Variants in CAMTA1 observed in about 807,000 individuals in gnomAD.
CAMTA1 encodes the protein calmodulin-binding transcription activator 1.
Under a neutral mutation model 170.9 loss-of-function variants are expected in CAMTA1, and 27 were observed. The observed-to-expected ratio is 0.16, with a 90% CI of 0.12 to 0.22. The LOEUF (loss-of-function observed/expected upper bound fraction) is 0.22, where lower values mean the gene tolerates loss of function less well. Ranked by LOEUF, CAMTA1 falls within the 10% of genes least tolerant of loss-of-function variation. The probability of loss-of-function intolerance (pLI) is 1.00; values close to 1 mark genes in which losing one functional copy is unlikely to be tolerated. For missense variants in CAMTA1, 1,619 were observed against 2,217.2 expected (o/e 0.73, Z 5.42); for synonymous variants, 833 against 891.5 (o/e 0.93, Z 1.17).
intron 5 of CAMTA1, among the ~76,000 whole-genome samples, chr1:7,349,902 C>T (rs1199954080): frequency 1.3e-5 from 2 of 152,294 alleles, no homozygotes; most frequent in East Asian, 3.9e-4. Flanking sequence ...GCCTTGGGGG[C>T]CTCCTGGCTT....
intron 3 of CAMTA1, among the ~76,000 whole-genome samples, chr1:6,984,228 G>A (rs1694992943): frequency 6.6e-6 from 1 of 151,490 alleles, no homozygotes; most frequent in African/African-American, 2.4e-5. Context: ...GGAAGGCTGG[G>A]TGGGCGGATG....
At chr1:7,292,892 C>T (rs1432859716) in intron 5 of CAMTA1, among the ~76,000 whole-genome samples, 1 of 152,170 alleles carries the variant, frequency 6.6e-6, no homozygotes, top group Non-Finnish European at 1.5e-5. Context: ...CTTTAGGAAG[C>T]AGGCAGAGGA....
intron 4 of CAMTA1, among the ~76,000 whole-genome samples, chr1:7,104,152 A>G (rs917464538): frequency 7.1e-6 from 1 of 140,840 alleles, no homozygotes; most frequent in Non-Finnish European, 1.6e-5. Context: ...CACACAACAC[A>G]CATATGCATA....
At chr1:7,538,736 G>A (rs2094576644) in intron 6 of CAMTA1, among the ~76,000 whole-genome samples, 1 of 152,196 alleles carries the variant, frequency 6.6e-6, no homozygotes, top group African/African-American at 2.4e-5. Flanking sequence ...TAGGGGTGGG[G>A]GTTCTTAAAG....
intron 1 of CAMTA1, among the ~76,000 whole-genome samples, chr1:6,795,735 T>C (rs1569971690): frequency 1.3e-5 from 2 of 152,328 alleles, no homozygotes; most frequent in East Asian, 3.9e-4. Flanking sequence ...TTTTATATGC[T>C]ACTCTAAACT....
chr1:7,745,975 G>C lies in CAMTA1; in HGVS notation c.4501G>C (p.Ala1501Pro), dbSNP rs772408731. 1.9e-6 allele frequency: 3 copies of C among 1,614,102 alleles called. No homozygotes were observed. Among genetic ancestry groups the C allele is most frequent in the African/African-American group, 1.3e-5 (1 of 74,940 alleles). Reference protein sequence around the residue: ...SAADWSEFLSASTSEKVENEF... With the variant: ...SAADWSEFLSPSTSEKVENEF... ...CGCGGATTGGTCAGAATTCCTGAGTGCATCTACCAGTGAGAAGGTAGAGAA... is the reference window on the plus strand; with the variant it reads ...CGCGGATTGGTCAGAATTCCTGAGTCCATCTACCAGTGAGAAGGTAGAGAA... Residue 1501 changes from alanine (A) to proline (P), a missense_variant, in exon 18 of 23, where the codon GCA becomes CCA. By Grantham distance (27) the Ala-to-Pro change is conservative. Transcript: ENST00000303635.
chr1:7,476,456 G>T (rs1054714435), intron 6 of CAMTA1, among the ~76,000 whole-genome samples: 2 of 152,156 alleles, frequency 1.3e-5, no homozygotes, highest in Admixed American at 1.3e-4. Flanking sequence ...GAAATGGGGA[G>T]GGGGTGTTTC....
chr1:7,661,928 CG>C, intron 8 of CAMTA1, 62 bp downstream of exon 8: 1 of 1,533,188 alleles, frequency 6.5e-7, no homozygotes, highest in Non-Finnish European at 8.8e-7. Flanking sequence ...ACCAGGCAGC[CG>C]TCATGGCTGT....
chr1:6,940,970 G>A (rs1294529766), intron 3 of CAMTA1, among the ~76,000 whole-genome samples: 2 of 150,954 alleles, frequency 1.3e-5, no homozygotes, highest in Admixed American at 6.6e-5. Context: ...TGCAAGGTGG[G>A]GGGATCCTTG....
chr1:6,925,544 T>C (rs1295895199), intron 3 of CAMTA1, among the ~76,000 whole-genome samples: 1 of 152,086 alleles, frequency 6.6e-6, no homozygotes, highest in East Asian at 1.9e-4. Context: ...CCTGCTCCCC[T>C]CGGCGCCTTG....
In CAMTA1 at chr1:7,262,548, G is replaced by C. The variant is rs534465081; in HGVS notation, c.438+12922G>C. Among the ~76,000 whole-genome samples the C allele has an allele frequency of 1.1e-3, 166 of 152,262 alleles. 8 individuals carry two copies. The South Asian group carries it at 0.034, about 31-fold the overall frequency. On this transcript the variant is annotated intron_variant, in intron 5 of 22. Coordinates refer to ENST00000303635, the MANE Select transcript of CAMTA1 (RefSeq NM_015215.4). ...TTGCACTGAAGCCTGGGGGACAAGA[G>C]CAGAACTCCACCTCAAAAAAAAGTC...
intron 6 of CAMTA1, among the ~76,000 whole-genome samples, chr1:7,508,687 G>A (rs963204807): frequency 1.3e-5 from 2 of 148,896 alleles, no homozygotes; most frequent in Admixed American, 6.7e-5. Context: ...TGGGGCAAGA[G>A]ATGAAGAATG....
intron 4 of CAMTA1, among the ~76,000 whole-genome samples, chr1:7,095,126 T>C (rs1390434034): frequency 6.9e-6 from 1 of 143,930 alleles, no homozygotes; most frequent in Non-Finnish European, 1.5e-5. Flanking sequence ...TCTGACACAC[T>C]GTGTCTGTCG....
At chr1:7,672,831 G>A (rs1431399751) in intron 10 of CAMTA1, among the ~76,000 whole-genome samples, 1 of 151,950 alleles carries the variant, frequency 6.6e-6, no homozygotes, top group Non-Finnish European at 1.5e-5. Context: ...AAGTTCCCAG[G>A]AGCCAGTGCA....
At chr1:7,551,660 T>TG (rs2094804911) in intron 6 of CAMTA1, among the ~76,000 whole-genome samples, 1 of 152,172 alleles carries the variant, frequency 6.6e-6, no homozygotes, top group Non-Finnish European at 1.5e-5. Context: ...TGGCTTTGCC[T>TG]GAATAGGGCC....
intron 1 of CAMTA1, among the ~76,000 whole-genome samples, chr1:6,808,159 G>T (rs927888242): frequency 2.6e-5 from 4 of 151,954 alleles, no homozygotes; most frequent in Non-Finnish European, 4.4e-5. Flanking sequence ...GGGTCATGTT[G>T]TTAGGGGCCT....
intron 7 of CAMTA1, among the ~76,000 whole-genome samples, chr1:7,646,216 G>A (rs1035492606): frequency 6.7e-6 from 1 of 150,340 alleles, no homozygotes; most frequent in Admixed American, 6.6e-5. Flanking sequence ...TTGTGAAGGT[G>A]GAGGCTATGG....
At chr1:7,576,812 C>A (rs1041730932) in intron 6 of CAMTA1, among the ~76,000 whole-genome samples, 1 of 152,032 alleles carries the variant, frequency 6.6e-6, no homozygotes, top group Admixed American at 6.5e-5. Context: ...CCAGGAAGGT[C>A]GGATTGTAGG....
intron 4 of CAMTA1, among the ~76,000 whole-genome samples, chr1:7,223,549 G>GTT (rs1285428083): frequency 6.6e-6 from 1 of 152,124 alleles, no homozygotes; most frequent in African/African-American, 2.4e-5. Context: ...GAGGCCAGGG[G>GTT]TTGTGCTTTC....
Sources: allele counts gnomAD v4.1 joint callset (sites outside exome capture counted in the v4.1 genomes callset), GRCh38; gene constraint gnomAD v4.1.1; transcripts MANE v1.5; gene names NCBI Gene and HGNC (gene_info 2026-07-23, HGNC 2026-07-21).